Variants in WWOX observed in about 807,000 individuals in gnomAD.
WWOX encodes the protein WW domain containing oxidoreductase, also known as WW domain-containing oxidoreductase.
Under a neutral mutation model 46.2 loss-of-function variants are expected in WWOX, and 69 were observed. The ratio of observed to expected loss-of-function variants is 1.49; its 90% CI spans 1.23 to 1.82. The LOEUF (loss-of-function observed/expected upper bound fraction) is 1.82, where lower values mean the gene tolerates loss of function less well. Among genes scored for constraint, WWOX ranks in the 40% most tolerant of loss-of-function variants. The pLI is 0.00. For synonymous variants in WWOX, 359 were observed against 202.6 expected (o/e 1.77, Z -6.56); for missense variants, 919 against 542.6 (o/e 1.69, Z -6.89).
At chr16:78,153,090 T>C (rs1009578360) in intron 4 of WWOX, among the ~76,000 whole-genome samples, 1 of 152,148 alleles carries the variant, frequency 6.6e-6, no homozygotes, top group Non-Finnish European at 1.5e-5. Flanking sequence ...GTGGATCGTG[T>C]TTAGTAAGCA....
At chr16:78,861,018 C>T (rs2043872991) in intron 8 of WWOX, among the ~76,000 whole-genome samples, 1 of 151,942 alleles carries the variant, frequency 6.6e-6, no homozygotes, top group South Asian at 2.1e-4. Context: ...TGGGGTTTTG[C>T]CATGTTTCCT....
At chr16:78,525,280 G>C (rs930440639) in intron 8 of WWOX, 4 of 149,772 alleles carry the variant, frequency 2.7e-5, no homozygotes, top group African/African-American at 7.4e-5. Flanking sequence ...CTGCCTCCTA[G>C]GCTCATGCCA....
chr16:78,901,627 A>G (rs1367135822), intron 8 of WWOX, among the ~76,000 whole-genome samples: 1 of 152,148 alleles, frequency 6.6e-6, no homozygotes, highest in Non-Finnish European at 1.5e-5. Context: ...AACTAGGACC[A>G]CAGGCATGGG....
At chr16:78,814,961 G>C (rs1300378859) in intron 8 of WWOX, among the ~76,000 whole-genome samples, 1 of 152,104 alleles carries the variant, frequency 6.6e-6, no homozygotes, top group East Asian at 1.9e-4. Flanking sequence ...TCTTCTTCTG[G>C]TTGGATTTAG....
At chr16:78,545,501 T>A (rs1016300343) in intron 8 of WWOX, among the ~76,000 whole-genome samples, 2 of 152,200 alleles carry the variant, frequency 1.3e-5, no homozygotes, top group African/African-American at 4.8e-5. Flanking sequence ...GACAGGTGCC[T>A]GCAACCATGT....
chr16:78,810,234 C>T (rs773985448), intron 8 of WWOX, among the ~76,000 whole-genome samples: 1 of 152,190 alleles, frequency 6.6e-6, no homozygotes, highest in African/African-American at 2.4e-5. Context: ...ACATTTCTAT[C>T]AGAACACAGT....
chr16:79,031,841 C>T (rs1234055833), intron 8 of WWOX, among the ~76,000 whole-genome samples: 1 of 124,666 alleles, frequency 8.0e-6, no homozygotes, highest in Non-Finnish European at 1.7e-5. Flanking sequence ...ATATATATAT[C>T]TTATTATATA....
chr16:78,334,821 C>T (rs62034404), intron 5 of WWOX, among the ~76,000 whole-genome samples: 3 of 119,902 alleles, frequency 2.5e-5, no homozygotes, highest in Non-Finnish European at 3.7e-5. Context: ...CACACACACA[C>T]ACACACACAC....
chr16:78,464,325 G>A (rs1477408372), intron 8 of WWOX, among the ~76,000 whole-genome samples: 2 of 151,104 alleles, frequency 1.3e-5, no homozygotes, highest in Non-Finnish European at 2.9e-5. Flanking sequence ...AAGAGGGGAA[G>A]GGAGGAAGGA....
At chr16:78,863,098 A>C (rs2043926860) in intron 8 of WWOX, among the ~76,000 whole-genome samples, 1 of 151,514 alleles carries the variant, frequency 6.6e-6, no homozygotes, top group South Asian at 2.1e-4. Flanking sequence ...AGGTGGGATT[A>C]CAGGCGCCAC....
chr16:78,547,565 T>C (rs1193864462), intron 8 of WWOX, among the ~76,000 whole-genome samples: 2 of 152,212 alleles, frequency 1.3e-5, no homozygotes, highest in Admixed American at 6.5e-5. Context: ...TCCTGGCTAC[T>C]ATAACAAAAT....
chr16:78,102,370 C>A (rs1044871792), intron 1 of WWOX, among the ~76,000 whole-genome samples: 1 of 152,184 alleles, frequency 6.6e-6, no homozygotes, highest in South Asian at 2.1e-4. Flanking sequence ...AAGGGAGGAC[C>A]CATTTCAAGG....
At chr16:78,999,003 C>T (rs1489376591) in intron 8 of WWOX, among the ~76,000 whole-genome samples, 1 of 152,186 alleles carries the variant, frequency 6.6e-6, no homozygotes, top group East Asian at 1.9e-4. Flanking sequence ...GCGGAATATT[C>T]CACCTTCTAG....
At chr16:78,491,498 T>A (rs1597158556) in intron 8 of WWOX, among the ~76,000 whole-genome samples, 1 of 152,186 alleles carries the variant, frequency 6.6e-6, no homozygotes, top group Admixed American at 6.5e-5. Flanking sequence ...AGGGTTTTGC[T>A]GTCACCCAGG....
At chr16:78,167,915 A>G (rs959253023) in intron 5 of WWOX, 2 of 152,056 alleles carry the variant, frequency 1.3e-5, no homozygotes, top group Non-Finnish European at 2.9e-5. Flanking sequence ...TATGTCACTA[A>G]ATATTACCTT....
At chr16:78,128,732 C>G (rs960443003) in intron 4 of WWOX, among the ~76,000 whole-genome samples, 1 of 152,328 alleles carries the variant, frequency 6.6e-6, no homozygotes, top group Non-Finnish European at 1.5e-5. Flanking sequence ...GTGTCAGCCA[C>G]CATTGGCTAT....
At chr16:78,132,178 C>G (rs1271795601) in intron 4 of WWOX, among the ~76,000 whole-genome samples, 1 of 151,752 alleles carries the variant, frequency 6.6e-6, no homozygotes, top group African/African-American at 2.4e-5. Flanking sequence ...GTGCCCGCCA[C>G]CACGCCCGGC....
chr16:78,174,629 A>G (rs1187632439), intron 5 of WWOX, among the ~76,000 whole-genome samples: 1 of 152,178 alleles, frequency 6.6e-6, no homozygotes, highest in African/African-American at 2.4e-5. Flanking sequence ...ATTTTTTTAA[A>G]TGATCAAAGC....
intron 8 of WWOX, among the ~76,000 whole-genome samples, chr16:79,168,052 G>A (rs566500349): frequency 3.9e-5 from 6 of 152,266 alleles, no homozygotes; most frequent in African/African-American, 1.4e-4. Flanking sequence ...TGTGGCATGT[G>A]TCAGTACTTT....
Sources: gnomAD v4.1 joint callset for allele counts (sites outside exome capture counted in the v4.1 genomes callset) on GRCh38, gnomAD v4.1.1 for gene constraint, MANE v1.5 for transcripts, NCBI Gene and HGNC (gene_info 2026-07-23, HGNC 2026-07-21) for gene names.